COL9A3: variants seen among roughly 807,000 people sequenced by gnomAD.
COL9A3 encodes collagen type IX alpha 3 chain, also known as collagen alpha-3(IX) chain.
In COL9A3, 82 loss-of-function variants were observed where a neutral mutation model predicts 110.2. The ratio of observed to expected loss-of-function variants is 0.74; its 90% CI spans 0.62 to 0.89. The LOEUF is 0.89. Among genes scored for constraint, COL9A3 ranks in the 40% least tolerant of loss-of-function variants. COL9A3 has a pLI of 0.00. For missense variants in COL9A3, 1,066 were observed against 981.3 expected (o/e 1.09, Z -1.15); for synonymous variants, 494 against 403.8 (o/e 1.22, Z -2.68).
At position 62,841,141 on chromosome 20, in the gene COL9A3, C is replaced by T. The variant is rs886056918; in HGVS notation, c.*409C>T. The stretch of plus-strand genomic sequence containing the variant: ...AACAAAAAATAAAGAATTTAATGTA[C>T]AGTAAATTCTCTCCCATACAAAGGT... On this transcript the variant is annotated 3_prime_UTR_variant, in exon 32 of 32. Transcript: ENST00000649368. The T allele has an allele frequency of 9.3e-6, 2 of 214,692 alleles. No individual in the cohort carries two copies. The highest frequency in any genetic ancestry group is 1.9e-5 in the Non-Finnish European group (2 of 104,978). The allele number at this position is 214,692 out of a possible 1,614,324, so 13.3% of individuals were successfully genotyped here.
chr20:62,840,744 A>AGGAAGCAAGTGACAAGGACGCC lies in COL9A3; in HGVS notation c.*13_*34dup, dbSNP rs752513186. 1 of 1,557,694 alleles carries AGGAAGCAAGTGACAAGGACGCC rather than the reference A, an allele frequency of 6.4e-7. No homozygotes were observed. Among genetic ancestry groups the AGGAAGCAAGTGACAAGGACGCC allele is most frequent in the Non-Finnish European group, 8.7e-7 (1 of 1,150,104 alleles). On this transcript the variant is annotated 3_prime_UTR_variant, in exon 32 of 32. Transcript: ENST00000649368. ...CTCGAAGCTCATAAAATTCAACGTG[A>AGGAAGCAAGTGACAAGGACGCC]GGAAGCAAGTGACAAGGACGCCCGA... is the stretch of plus-strand genomic sequence containing the variant.
At chr20:62,826,743 C>G (rs764609211) in intron 14 of COL9A3, 24 bp from the exon 15 acceptor site, 1 of 1,611,834 alleles carries the variant, frequency 6.2e-7, no homozygotes, top group East Asian at 2.2e-5. Flanking sequence ...CAAGAGGACC[C>G]CGGATCCCCT....
At chr20:62,826,117 C>T (rs2063549914) in intron 13 of COL9A3, 87 bp from the exon 14 acceptor site, 3 of 1,426,526 alleles carry the variant, frequency 2.1e-6, no homozygotes, top group Non-Finnish European at 1.9e-6. Flanking sequence ...CCAGGGCTCC[C>T]AGGGGTACCC....
At position 62,841,048 on chromosome 20, in the gene COL9A3, T is replaced by A; in HGVS notation, c.*316T>A. 1 of 351,496 alleles carries A rather than the reference T, an allele frequency of 2.8e-6. No individual in the cohort carries two copies. Among genetic ancestry groups the A allele is most frequent in the South Asian group, 2.7e-5 (1 of 36,390 alleles). The allele number at this position is 351,496 out of a possible 1,614,324, so 21.8% of individuals were successfully genotyped here. ...GTAACTTGTTTACATAGCATTTGTG[T>A]AAAGACTATGATCTCATCCCAATAA... On this transcript the variant is annotated 3_prime_UTR_variant, in exon 32 of 32. Transcript: ENST00000649368.
intron 13 of COL9A3, 137 bp downstream of exon 13, chr20:62,826,007 C>G: frequency 1.7e-6 from 2 of 1,155,936 alleles, no homozygotes; most frequent in South Asian, 1.4e-5. Context: ...AGGAGCGCGA[C>G]CTGGCTGGGG....
intron 12 of COL9A3, 61 bp downstream of exon 12, chr20:62,825,082 A>C: frequency 8.8e-6 from 6 of 678,462 alleles, no homozygotes; most frequent in Non-Finnish European, 1.1e-5. Flanking sequence ...CTCCGGCGGG[A>C]GGGAGGGGCT....
Position 62,829,839 on chromosome 20 carries a change from C to T in COL9A3, c.1161+20C>T. 1 of 1,552,460 alleles carries T rather than the reference C, an allele frequency of 6.4e-7. No homozygotes were observed. Among genetic ancestry groups the T allele is most frequent in the Non-Finnish European group, 8.7e-7 (1 of 1,150,770 alleles). On this transcript the variant is annotated intron_variant, in intron 22 of 31. Coordinates refer to ENST00000649368, the MANE Select transcript of COL9A3 (RefSeq NM_001853.4). ...TCAGCGGTGAGTGCAGGGACATGGC[C>T]CGGGGTCGGGGGTTAGCACTGAGCC...
chr20:62,822,049 G>A (rs1192693061), intron 8 of COL9A3, 62 bp from the exon 9 acceptor site: 3 of 1,021,010 alleles, frequency 2.9e-6, no homozygotes. Context: ...CCTGGGAGAA[G>A]CCGGGCACCT....
rs754133383 is a variant in COL9A3, at chr20:62,827,976, G to A, written c.900G>A (p.Pro300=). 1 of 1,612,850 alleles carries A rather than the reference G, an allele frequency of 6.2e-7. No individual in the cohort carries two copies. The highest frequency in any genetic ancestry group is 1.1e-5 in the South Asian group (1 of 91,074). ...GAGTGGCCGGGCCAAGCGGAGAGCCGGTGAGTGCACGTGGCTGCTCATGGA... is the reference window on the plus strand; with the variant it reads ...GAGTGGCCGGGCCAAGCGGAGAGCCAGTGAGTGCACGTGGCTGCTCATGGA... ...TPGVAGPSGE[P]GMPGKDGQNG... The change falls in exon 17 of 32, where the codon CCG becomes CCA. Residue 300 remains proline (P), a splice_region_variant and synonymous_variant. Coordinates refer to ENST00000649368, the MANE Select transcript of COL9A3 (RefSeq NM_001853.4).
intron 5 of COL9A3, among the ~76,000 whole-genome samples, chr20:62,820,290 C>T (rs1046869848): frequency 6.6e-6 from 1 of 152,170 alleles, no homozygotes; most frequent in Non-Finnish European, 1.5e-5. Context: ...CCCCAGGGCC[C>T]TGGGCAGACC....
chr20:62,824,638 C>T (rs908358558), intron 11 of COL9A3, 137 bp downstream of exon 11: 1 of 942,638 alleles, frequency 1.1e-6, no homozygotes, highest in Admixed American at 2.0e-5. Context: ...GAAAGCTAGG[C>T]CAGCCTCCTT....
At position 62,837,159 on chromosome 20, in the gene COL9A3, C is replaced by A. The variant is rs149126795; in HGVS notation, c.1680C>A (p.Gly560=). Residue 560 remains glycine, a synonymous_variant, in exon 30 of 32, where the codon GGC becomes GGA. Coordinates refer to ENST00000649368, the MANE Select transcript of COL9A3 (RefSeq NM_001853.4). The stretch of plus-strand genomic sequence containing the variant: ...CCATTGGTCGGCCCGGTCCAGCTGG[C>A]CCCCCTGGGCCCCCAGGACCCCCAG... The part of the protein sequence containing the change: ...PGSIGRPGPA[G]PPGPPGPPGS... 1 of 1,612,768 alleles carries A rather than the reference C, an allele frequency of 6.2e-7. No individual in the cohort carries two copies. Among genetic ancestry groups the A allele is most frequent in the Non-Finnish European group, 8.5e-7 (1 of 1,179,828 alleles).
chr20:62,826,971 CG>C, intron 15 of COL9A3, 151 bp downstream of exon 15: 2 of 864,530 alleles, frequency 2.3e-6, no homozygotes, highest in East Asian at 2.6e-5. Context: ...GGCATGGGTA[CG>C]GGGGTGCTTA....
chr20:62,825,717 C>T, intron 12 of COL9A3, 100 bp from the exon 13 acceptor site: 2 of 1,236,320 alleles, frequency 1.6e-6, no homozygotes. Flanking sequence ...AAGGGGGCAA[C>T]ACCCCCAGCT....
At chr20:62,834,571 C>T (rs1229183653) in intron 26 of COL9A3, among the ~76,000 whole-genome samples, 1 of 152,194 alleles carries the variant, frequency 6.6e-6, no homozygotes, top group Non-Finnish European at 1.5e-5. Context: ...CTGGCAGACC[C>T]CCACAGCCCA....
chr20:62,832,142 C>T lies in COL9A3; in HGVS notation c.1288-12C>T, dbSNP rs2063601731. On this transcript the variant is annotated splice_polypyrimidine_tract_variant and intron_variant, in intron 24 of 31. Coordinates refer to ENST00000649368, the MANE Select transcript of COL9A3 (RefSeq NM_001853.4). ...CCATTCCTCTAATCCAGAGCCTTCTCTCCACATCCAGGGTCCGGGAGGTGC... is the reference window on the plus strand; with the variant it reads ...CCATTCCTCTAATCCAGAGCCTTCTTTCCACATCCAGGGTCCGGGAGGTGC... The T allele has an allele frequency of 6.2e-7, 1 of 1,612,580 alleles. No individual in the cohort carries two copies. Among genetic ancestry groups the T allele is most frequent in the Non-Finnish European group, 8.5e-7 (1 of 1,179,380 alleles).
At chr20:62,836,771 C>T (rs545734497) in intron 29 of COL9A3, 81 of 622,538 alleles carry the variant, frequency 1.3e-4, no homozygotes, top group African/African-American at 8.3e-4. Context: ...ACGCAGCAGA[C>T]GCCCTAAAGC....
intron 12 of COL9A3, 68 bp from the exon 13 acceptor site, chr20:62,825,749 C>T: frequency 6.7e-7 from 1 of 1,490,676 alleles, no homozygotes; most frequent in Non-Finnish European, 9.2e-7. Flanking sequence ...AGTAGGGTGA[C>T]TGGAGGCACC....
rs778574462 is a variant in COL9A3 at position 62,829,654 on chromosome 20, C to T, written c.1080C>T (p.Ala360=). The T allele has an allele frequency of 1.9e-5, 30 of 1,609,324 alleles. No individual in the cohort carries two copies. The highest frequency in any genetic ancestry group is 1.7e-4 in the South Asian group (15 of 90,382). The change falls in exon 21 of 32, where the codon GCC becomes GCT. Residue 360 remains alanine (A), a synonymous_variant. Coordinates refer to ENST00000649368, the MANE Select transcript of COL9A3 (RefSeq NM_001853.4). Reference sequence around the variant, plus strand: ...GCAGAGCTGGGGAGCTGGGTGAGGCCGGCCCCTCTGGAGAGCCAGGCGTCC... The same window carrying T: ...GCAGAGCTGGGGAGCTGGGTGAGGCTGGCCCCTCTGGAGAGCCAGGCGTCC... ...ERGRAGELGE[A]GPSGEPGVPG...
Sources: allele counts gnomAD v4.1 joint callset (sites outside exome capture counted in the v4.1 genomes callset), GRCh38; gene constraint gnomAD v4.1.1; transcripts MANE v1.5; gene names NCBI Gene and HGNC (gene_info 2026-07-23, HGNC 2026-07-21).